MAGI2: variants seen among roughly 807,000 people sequenced by gnomAD.
MAGI2 encodes the protein membrane-associated guanylate kinase, WW and PDZ domain-containing protein 2.
In MAGI2, 35 loss-of-function variants were observed where a neutral mutation model predicts 133.3. The observed-to-expected ratio is 0.26, with a 90% CI of 0.20 to 0.35. The LOEUF (loss-of-function observed/expected upper bound fraction) is 0.35, where lower values mean the gene tolerates loss of function less well. Among genes scored for constraint, MAGI2 ranks in the 10% least tolerant of loss-of-function variants. The probability of loss-of-function intolerance (pLI) is 1.00; values close to 1 mark genes in which losing one functional copy is unlikely to be tolerated. For missense variants in MAGI2, 1,636 were observed against 1,863.4 expected, an observed-to-expected ratio of 0.88 and a Z score of 2.25; for synonymous variants, 729 against 710.6, an observed-to-expected ratio of 1.03 and a Z score of -0.41.
At chr7:78,323,848 G>A (rs763625431) in intron 9 of MAGI2, among the ~76,000 whole-genome samples, 38 of 152,098 alleles carry the variant, frequency 2.5e-4, no homozygotes, top group Non-Finnish European at 5.0e-4. Flanking sequence ...GATTAAAAAT[G>A]CAAAGTGACT....
chr7:78,875,066 G>A (rs952668071), intron 2 of MAGI2, among the ~76,000 whole-genome samples: 4 of 152,032 alleles, frequency 2.6e-5, no homozygotes, highest in African/African-American at 9.7e-5. Context: ...AATTCAAGAA[G>A]CAAAAAAGCT....
intron 1 of MAGI2, among the ~76,000 whole-genome samples, chr7:79,039,509 G>A (rs1369075793): frequency 6.6e-6 from 1 of 151,786 alleles, no homozygotes; most frequent in African/African-American, 2.4e-5. Flanking sequence ...CAGACAAATG[G>A]AATTACATCA....
At chr7:78,121,817 T>A (rs1820502139) in intron 20 of MAGI2, among the ~76,000 whole-genome samples, 1 of 152,166 alleles carries the variant, frequency 6.6e-6, no homozygotes, top group African/African-American at 2.4e-5. Flanking sequence ...AAGTGTAAAT[T>A]GACAGGGAAA....
intron 1 of MAGI2, among the ~76,000 whole-genome samples, chr7:79,344,456 G>T (rs1342905931): frequency 6.6e-6 from 1 of 152,130 alleles, no homozygotes; most frequent in African/African-American, 2.4e-5. Flanking sequence ...GGGATGAGAG[G>T]CAGGAATAAC....
intron 1 of MAGI2, among the ~76,000 whole-genome samples, chr7:79,316,474 T>A (rs572865752): frequency 6.7e-4 from 102 of 152,358 alleles, no homozygotes; most frequent in African/African-American, 2.4e-3. Context: ...CACATGTATA[T>A]GTATACATAT....
At chr7:79,101,734 A>AG (rs1481527171) in intron 1 of MAGI2, among the ~76,000 whole-genome samples, 8 of 150,964 alleles carry the variant, frequency 5.3e-5, no homozygotes, top group South Asian at 4.2e-4. Flanking sequence ...AAAAAAAAAA[A>AG]AAAAAAGAAA....
intron 2 of MAGI2, among the ~76,000 whole-genome samples, chr7:78,889,832 A>G (rs1796592504): frequency 6.6e-6 from 1 of 152,212 alleles, no homozygotes; most frequent in South Asian, 2.1e-4. Context: ...AACGAGCAAA[A>G]TAACCAGCTA....
intron 2 of MAGI2, among the ~76,000 whole-genome samples, chr7:78,852,889 A>T (rs1563580555): frequency 6.6e-6 from 1 of 152,182 alleles, no homozygotes; most frequent in Non-Finnish European, 1.5e-5. Context: ...AGAGGTCCAG[A>T]CAAGATAAAA....
intron 3 of MAGI2, among the ~76,000 whole-genome samples, chr7:78,550,705 T>C (rs1799260090): frequency 6.6e-6 from 1 of 152,032 alleles, no homozygotes; most frequent in Non-Finnish European, 1.5e-5. Flanking sequence ...TCATATCCCC[T>C]CCATGCAAAC....
Position 79,453,461 on chromosome 7 carries a change from C to G in MAGI2, c.-141G>C, listed in dbSNP as rs1849440529. ...TTCGCCCCCCTCTATTCGGTGCTTT[C>G]CCTCTTCTTTGGATGGAGTGTGGAC... On this transcript the variant is annotated 5_prime_UTR_variant, in exon 1 of 22. Transcript: ENST00000354212. 1.4e-6 allele frequency: 2 copies of G among 1,470,082 alleles called. No homozygotes were observed. The highest frequency in any genetic ancestry group is 1.8e-6 in the Non-Finnish European group (2 of 1,118,258). The allele number at this position is 1,470,082 out of a possible 1,614,324, so 91.1% of individuals were successfully genotyped here.
chr7:79,339,933 G>A (rs774664338), intron 1 of MAGI2, among the ~76,000 whole-genome samples: 30 of 151,990 alleles, frequency 2.0e-4, no homozygotes, highest in Non-Finnish European at 4.1e-4. Context: ...TAAAAGATGC[G>A]TTTCGTATCA....
chr7:78,034,589 G>A (rs550995100), intron 21 of MAGI2, among the ~76,000 whole-genome samples: 15 of 152,096 alleles, frequency 9.9e-5, no homozygotes, highest in African/African-American at 3.4e-4. Flanking sequence ...GTGCAGTAGC[G>A]TGATCTTGCC....
intron 2 of MAGI2, among the ~76,000 whole-genome samples, chr7:78,637,712 T>C (rs973540916): frequency 5.3e-5 from 8 of 152,226 alleles, no homozygotes; most frequent in African/African-American, 1.4e-4. Context: ...TAGGCCACCA[T>C]ATTGTTTTAT....
intron 20 of MAGI2, among the ~76,000 whole-genome samples, chr7:78,090,491 G>C (rs887397031): frequency 3.3e-5 from 5 of 152,120 alleles, no homozygotes; most frequent in African/African-American, 1.2e-4. Context: ...GAGACTGGAG[G>C]GGGGCTTTGA....
At chr7:78,166,446 C>G (rs377521973) in intron 15 of MAGI2, among the ~76,000 whole-genome samples, 1 of 152,164 alleles carries the variant, frequency 6.6e-6, no homozygotes, top group East Asian at 1.9e-4. Flanking sequence ...AAGGATAAGG[C>G]ATAATTTAAG....
chr7:78,461,930 A>G (rs1790083538), intron 6 of MAGI2, among the ~76,000 whole-genome samples: 1 of 127,740 alleles, frequency 7.8e-6, no homozygotes, highest in Non-Finnish European at 1.6e-5. Context: ...AAAAAAAAAA[A>G]AAAAAAAAAA....
In MAGI2 at chr7:78,553,438, G is replaced by A. The variant is rs1799532136; in HGVS notation, c.539-31793C>T. On this transcript the variant is annotated intron_variant, in intron 3 of 21. Transcript: ENST00000354212. ...AGAAAATAGTAAGGTAAATGTAACT[G>A]TCCTTCAGATAAATACGTGATTTGA... Among the ~76,000 whole-genome samples, 5 of 152,184 alleles carry A rather than the reference G, an allele frequency of 3.3e-5. No homozygotes were observed. The South Asian group carries it at 8.3e-4, about 25-fold the overall frequency.
At chr7:78,418,809 C>A (rs1432428841) in intron 6 of MAGI2, among the ~76,000 whole-genome samples, 1 of 152,040 alleles carries the variant, frequency 6.6e-6, no homozygotes, top group Non-Finnish European at 1.5e-5. Flanking sequence ...ATGGAATGTG[C>A]TTAACATAAA....
chr7:78,491,794 G>A (rs915010636), intron 5 of MAGI2, among the ~76,000 whole-genome samples: 4 of 151,654 alleles, frequency 2.6e-5, no homozygotes, highest in Non-Finnish European at 1.5e-5. Flanking sequence ...TAGGGGCACC[G>A]GGTTCAGTGT....
Sources: gnomAD v4.1 joint callset for allele counts (sites outside exome capture counted in the v4.1 genomes callset) on GRCh38, gnomAD v4.1.1 for gene constraint, MANE v1.5 for transcripts, NCBI Gene and HGNC (gene_info 2026-07-23, HGNC 2026-07-21) for gene names.